The following UBL3 variants were observed in gnomAD, a reference collection of about 807,000 sequenced individuals.
UBL3 encodes ubiquitin-like protein 3.
Under a neutral mutation model 18.4 loss-of-function variants are expected in UBL3, and 6 were observed. The observed-to-expected ratio is 0.33, with a 90% CI of 0.18 to 0.64. UBL3 has a LOEUF of 0.64. Ranked by LOEUF, UBL3 falls within the 30% of genes least tolerant of loss-of-function variation. The probability of loss-of-function intolerance (pLI) is 0.76; values close to 1 mark genes in which losing one functional copy is unlikely to be tolerated. For missense variants in UBL3, 109 were observed against 142.9 expected, an observed-to-expected ratio of 0.76 and a Z score of 1.21; for synonymous variants, 49 against 46.6, an observed-to-expected ratio of 1.05 and a Z score of -0.21.
chr13:29,818,215 T>G (rs980717705), intron 1 of UBL3, among the ~76,000 whole-genome samples: 3 of 152,190 alleles, frequency 2.0e-5, no homozygotes, highest in Non-Finnish European at 2.9e-5. Flanking sequence ...CATTCACATA[T>G]ACTCACAGGC....
At chr13:29,838,099 T>C (rs1230231921) in intron 1 of UBL3, among the ~76,000 whole-genome samples, 1 of 149,980 alleles carries the variant, frequency 6.7e-6, no homozygotes, top group Non-Finnish European at 1.5e-5. Context: ...AGATATAATC[T>C]TTAAAACAGC....
intron 3 of UBL3, among the ~76,000 whole-genome samples, chr13:29,769,390 T>C (rs1876776987): frequency 6.6e-6 from 1 of 152,214 alleles, no homozygotes; most frequent in South Asian, 2.1e-4. Context: ...AGAAGAGGAA[T>C]ACCAGAATCT....
chr13:29,827,741 T>C (rs936979271), intron 1 of UBL3, among the ~76,000 whole-genome samples: 2 of 152,210 alleles, frequency 1.3e-5, no homozygotes, highest in African/African-American at 2.4e-5. Flanking sequence ...GCTGGTTAGT[T>C]TGCTCATTAG....
At chr13:29,798,777 A>C (rs1335851957) in intron 1 of UBL3, among the ~76,000 whole-genome samples, 1 of 152,144 alleles carries the variant, frequency 6.6e-6, no homozygotes, top group Non-Finnish European at 1.5e-5. Flanking sequence ...AACCCCAAAA[A>C]ACTATAGATG....
intron 1 of UBL3, among the ~76,000 whole-genome samples, chr13:29,837,912 T>A (rs1476550134): frequency 6.2e-5 from 9 of 144,168 alleles, no homozygotes; most frequent in Non-Finnish European, 1.4e-4. Flanking sequence ...CAAGACTCTG[T>A]CTCAATAATA....
intron 1 of UBL3, among the ~76,000 whole-genome samples, chr13:29,778,823 T>G (rs898174382): frequency 7.9e-5 from 12 of 152,238 alleles, no homozygotes; most frequent in African/African-American, 1.2e-4. Flanking sequence ...CATTTCTGGA[T>G]TCAATGTAAT....
intron 1 of UBL3, chr13:29,779,154 G>A (rs191578375): frequency 6.6e-6 from 3 of 457,050 alleles, no homozygotes; most frequent in East Asian, 1.3e-4. Flanking sequence ...GTACCACCTT[G>A]TTTATTTCCT....
intron 1 of UBL3, among the ~76,000 whole-genome samples, chr13:29,793,016 A>G (rs1156638841): frequency 2.0e-5 from 3 of 152,240 alleles, no homozygotes; most frequent in African/African-American, 7.2e-5. Flanking sequence ...GAATGCTCAT[A>G]AACTCATTGT....
At chr13:29,817,321 T>C (rs1477515975) in intron 1 of UBL3, among the ~76,000 whole-genome samples, 1 of 152,200 alleles carries the variant, frequency 6.6e-6, no homozygotes, top group Non-Finnish European at 1.5e-5. Context: ...AAGCTAAGTT[T>C]TTCTGTTTGT....
At chr13:29,781,890 C>T in intron 1 of UBL3, among the ~76,000 whole-genome samples, 1 of 144,986 alleles carries the variant, frequency 6.9e-6, no homozygotes, top group African/African-American at 2.5e-5. Context: ...ACTAGCTACT[C>T]TGGAGGCTGA....
At chr13:29,813,480 T>C (rs1163254396) in intron 1 of UBL3, among the ~76,000 whole-genome samples, 1 of 152,074 alleles carries the variant, frequency 6.6e-6, no homozygotes, top group Admixed American at 6.6e-5. Context: ...AGTTGTAAAG[T>C]TGGCTTTATC....
intron 1 of UBL3, among the ~76,000 whole-genome samples, chr13:29,847,041 G>A (rs1879245758): frequency 6.6e-6 from 1 of 152,108 alleles, no homozygotes; most frequent in Non-Finnish European, 1.5e-5. Context: ...GTCAATTCAT[G>A]GTATTAAGAG....
At chr13:29,802,109 C>T (rs1475876314) in intron 1 of UBL3, among the ~76,000 whole-genome samples, 1 of 152,214 alleles carries the variant, frequency 6.6e-6, no homozygotes, top group Non-Finnish European at 1.5e-5. Flanking sequence ...AGAGGGGCCA[C>T]GCAGTGGAGC....
intron 1 of UBL3, among the ~76,000 whole-genome samples, chr13:29,785,715 T>G (rs892710810): frequency 1.3e-5 from 2 of 152,224 alleles, no homozygotes; most frequent in Non-Finnish European, 2.9e-5. Flanking sequence ...TTTCTTTTAT[T>G]CATTTATTCA....
chr13:29,769,090 T>C (rs943104915), intron 3 of UBL3, among the ~76,000 whole-genome samples: 4 of 152,070 alleles, frequency 2.6e-5, no homozygotes, highest in Admixed American at 2.0e-4. Context: ...GCTGTGTCCA[T>C]TAAATCAAAC....
chr13:29,819,618 G>A (rs1347768872), intron 1 of UBL3, among the ~76,000 whole-genome samples: 2 of 152,076 alleles, frequency 1.3e-5, no homozygotes, highest in Non-Finnish European at 2.9e-5. Flanking sequence ...TAAAATACTA[G>A]GATACTGCAA....
At chr13:29,785,284 T>C (rs1877282234) in intron 1 of UBL3, among the ~76,000 whole-genome samples, 1 of 152,178 alleles carries the variant, frequency 6.6e-6, no homozygotes, top group South Asian at 2.1e-4. Flanking sequence ...GGGTGAACAG[T>C]GTTGGGGATT....
chr13:29,826,810 T>C (rs1878632577), intron 1 of UBL3, among the ~76,000 whole-genome samples: 1 of 152,208 alleles, frequency 6.6e-6, no homozygotes, highest in Non-Finnish European at 1.5e-5. Flanking sequence ...CTGCTTTCTC[T>C]TGTGGGCATT....
chr13:29,835,153 TATATATATATA>T (rs1878921539), intron 1 of UBL3, among the ~76,000 whole-genome samples: 1 of 30,498 alleles, frequency 3.3e-5, no homozygotes, highest in South Asian at 1.1e-3. Flanking sequence ...TATATATATA[TATATATATATA>T]TATATATATA....
Sources: allele counts gnomAD v4.1 joint callset (sites outside exome capture counted in the v4.1 genomes callset), GRCh38; gene constraint gnomAD v4.1.1; transcripts MANE v1.5; gene names NCBI Gene and HGNC (gene_info 2026-07-23, HGNC 2026-07-21).